The following GOLGA3 variants were observed in gnomAD, a reference collection of about 807,000 sequenced individuals.
GOLGA3 encodes golgin subfamily A member 3.
In GOLGA3, 75 loss-of-function variants were observed where a neutral mutation model predicts 169.4. The ratio of observed to expected loss-of-function variants is 0.44; its 90% CI spans 0.37 to 0.54. GOLGA3 has a LOEUF of 0.54. GOLGA3 is among the 20% of genes least tolerant of loss of function. The probability of loss-of-function intolerance (pLI) is 0.00; values close to 1 mark genes in which losing one functional copy is unlikely to be tolerated. For synonymous variants in GOLGA3, 824 were observed against 822.4 expected (o/e 1.00, Z -0.03); for missense variants, 1,899 against 1,930.0 (o/e 0.98, Z 0.30).
In GOLGA3 at chr12:132,808,124, G is replaced by A. The variant is rs761278075; in HGVS notation, c.945C>T (p.Ser315=). The part of the protein sequence containing the change: ...DSVSEVDGND[S]DSSSYSSAST... ...AGGCGCTGCTGTACGATGAGCTGTC[G>A]CTGTCATTTCCATCCACCTCAGACA... Residue 315 remains serine, a synonymous_variant, in exon 5 of 24, where the codon AGC becomes AGT. Coordinates refer to ENST00000450791, the MANE Select transcript of GOLGA3 (RefSeq NM_001389683.1). The A allele has an allele frequency of 1.2e-5, 19 of 1,606,784 alleles. No homozygotes were observed. Among genetic ancestry groups the A allele is most frequent in the Admixed American group, 3.4e-5 (2 of 59,490 alleles).
At chr12:132,794,960 G>A (rs2316849) in intron 11 of GOLGA3, among the ~76,000 whole-genome samples, 30,952 of 152,088 alleles carry the variant, frequency 0.2, 4,051 homozygotes, top group Non-Finnish European at 0.3. Flanking sequence ...AGGCCGAGGT[G>A]AGCAGATCAT....
chr12:132,801,736 A>G, intron 8 of GOLGA3, 31 bp downstream of exon 8: 1 of 1,584,910 alleles, frequency 6.3e-7, no homozygotes, highest in Non-Finnish European at 8.6e-7. Context: ...AAGAAGCGTG[A>G]CCTGCCCTGG....
chr12:132,773,254 C>A lies in GOLGA3; in HGVS notation c.4348G>T (p.Ala1450Ser). 1 of 1,499,430 alleles carries A rather than the reference C, an allele frequency of 6.7e-7. No homozygotes were observed. The highest frequency in any genetic ancestry group is 1.3e-5 in the South Asian group (1 of 79,148). 92.9% of individuals were successfully genotyped at this position (1,499,430 alleles called of 1,614,324 possible). A position where few individuals can be genotyped will look rare whatever the true frequency, so the allele number is the denominator to read the frequency against. ...GACAGAGACTCGTGCACCGTCAGGG[C>A]GTGCTCCTCCATCTGGCGCTGCAGG... ...DSLQRQMEEH[A>S]LTVHESLSSW... Residue 1450 changes from alanine to serine, a missense_variant, in exon 24 of 24, where the codon GCC becomes TCC. By Grantham distance (99) the Ala-to-Ser change is moderately conservative (BLOSUM62 1). Transcript: ENST00000450791.
chr12:132,784,423 C>A (rs933594867), intron 15 of GOLGA3, 116 bp from the exon 16 acceptor site: 2 of 838,712 alleles, frequency 2.4e-6, no homozygotes, highest in African/African-American at 1.7e-5. Context: ...CACCAGCTGT[C>A]TGACACAGTC....
chr12:132,782,234 A>C, intron 17 of GOLGA3, 62 bp downstream of exon 17: 1 of 1,352,396 alleles, frequency 7.4e-7, no homozygotes, highest in South Asian at 1.2e-5. Context: ...AGATTCTCGG[A>C]GTGCGCACAG....
chr12:132,788,763 A>C (rs2046059674), intron 13 of GOLGA3, among the ~76,000 whole-genome samples: 3 of 150,162 alleles, frequency 2.0e-5, no homozygotes, highest in African/African-American at 2.5e-5. Flanking sequence ...GGGCCTCCTC[A>C]CTCCCTCCCT....
At position 132,789,302 on chromosome 12, in the gene GOLGA3, A is replaced by T; in HGVS notation, c.2548-12T>A. 6.4e-7 allele frequency: 1 copy of T among 1,574,578 alleles called. No individual in the cohort carries two copies. The highest frequency in any genetic ancestry group is 8.6e-7 in the Non-Finnish European group (1 of 1,164,120). On this transcript the variant is annotated splice_polypyrimidine_tract_variant and intron_variant, in intron 12 of 23. Transcript: ENST00000450791. ...GCCTCCACCATCACCTGCCAAAGACAGAGGCTGTGAGCGGACGCTGGGCGG... is the reference window on the plus strand; with the variant it reads ...GCCTCCACCATCACCTGCCAAAGACTGAGGCTGTGAGCGGACGCTGGGCGG...
rs1382756783 is a variant in GOLGA3 at position 132,772,820 on chromosome 12, G to A, written c.*285C>T. The A allele has an allele frequency of 2.0e-5, 6 of 306,700 alleles. No individual in the cohort carries two copies. The highest frequency in any genetic ancestry group is 6.1e-5 in the East Asian group (1 of 16,382). The allele number at this position is 306,700 out of a possible 1,614,324, so 19.0% of individuals were successfully genotyped here. A position where few individuals can be genotyped will look rare whatever the true frequency, so the allele number is the denominator to read the frequency against. Reference sequence around the variant, plus strand: ...CCCGCAGAGAGCAGCATCGGTGGCCGCTCAGAAGCCACGACCTACAAGTAA... The same window carrying A: ...CCCGCAGAGAGCAGCATCGGTGGCCACTCAGAAGCCACGACCTACAAGTAA... On this transcript the variant is annotated 3_prime_UTR_variant, in exon 24 of 24. Transcript: ENST00000450791.
chr12:132,800,547 G>C (rs1041448358), intron 8 of GOLGA3, among the ~76,000 whole-genome samples: 12 of 152,096 alleles, frequency 7.9e-5, no homozygotes, highest in African/African-American at 2.7e-4. Context: ...GTGTATATTT[G>C]TAACTCTAGA....
At chr12:132,781,290 G>A (rs550249619) in intron 17 of GOLGA3, among the ~76,000 whole-genome samples, 50 of 152,218 alleles carry the variant, frequency 3.3e-4, no homozygotes, top group South Asian at 2.9e-3. Flanking sequence ...GGCCGGGCGC[G>A]GTGGCTCACA....
In GOLGA3 at chr12:132,808,388, C is replaced by A. The variant is rs749009154; in HGVS notation, c.681G>T (p.Gly227=). 2 of 1,614,048 alleles carry A rather than the reference C, an allele frequency of 1.2e-6. No homozygotes were observed. Among genetic ancestry groups the A allele is most frequent in the Non-Finnish European group, 1.7e-6 (2 of 1,180,008 alleles). The change falls in exon 5 of 24, where the codon GGG becomes GGT. Residue 227 remains glycine, a synonymous_variant. Transcript: ENST00000450791. ...TTTTCTCCCTAGGATGTGCCGGAAG[C>A]CCCAGGCTGCCCACCTTAGGCCCCC... is the stretch of plus-strand genomic sequence containing the variant. ...VPRGPKVGSL[G]LPAHPREKKT...
rs374790976 is a variant in GOLGA3 at position 132,821,734 on chromosome 12, A to G, written c.133+262T>C. ...CCGGGCGCGGTGGCGGGCGCCTGTA[A>G]TCCCAGCTACTCAGGAGGCTGGGGC... On this transcript the variant is annotated intron_variant, in intron 2 of 23. Coordinates refer to ENST00000450791, the MANE Select transcript of GOLGA3 (RefSeq NM_001389683.1). 6.8e-3 allele frequency among the ~76,000 whole-genome samples: 995 copies of G among 147,392 alleles called. 15 individuals carry two copies. Among genetic ancestry groups the G allele is most frequent in the Non-Finnish European group, 0.011 (700 of 65,132 alleles).
At chr12:132,822,719 A>C (rs7302260) in intron 1 of GOLGA3, among the ~76,000 whole-genome samples, 15 of 152,112 alleles carry the variant, frequency 9.9e-5, no homozygotes, top group Non-Finnish European at 1.8e-4. Flanking sequence ...TCAGGAGTTC[A>C]AGACCAGCCT....
At chr12:132,807,499 G>T (rs1160601514) in intron 5 of GOLGA3, among the ~76,000 whole-genome samples, 4 of 152,222 alleles carry the variant, frequency 2.6e-5, no homozygotes, top group Non-Finnish European at 4.4e-5. Flanking sequence ...AACTGTTACA[G>T]AAACATGAGA....
chr12:132,826,511 G>C (rs766462460), intron 1 of GOLGA3, among the ~76,000 whole-genome samples: 1 of 149,886 alleles, frequency 6.7e-6, no homozygotes, highest in South Asian at 2.1e-4. Context: ...ACAGCCAACC[G>C]CACCGAGCTG....
rs563579306 is a variant in GOLGA3 at position 132,785,381 on chromosome 12, C to T, written c.3123+958G>A. ...AGTGCAGCAGCAAAATCATGACTCA[C>T]TGCAGTTTCAGCCTCACCTCCCAGG... On this transcript the variant is annotated intron_variant, in intron 15 of 23. Transcript: ENST00000450791. Among the ~76,000 whole-genome samples, 5 of 152,320 alleles carry T rather than the reference C, an allele frequency of 3.3e-5. No homozygotes were observed. The South Asian group carries it at 8.3e-4, about 25-fold the overall frequency.
Position 132,808,549 on chromosome 12 carries a change from A to T in GOLGA3, c.520T>A (p.Ser174Thr). ...CTCGTTTTGGTTGCAGGTTGACTGG[A>T]CTGAGAAGAAAACAAAAGTACAAAA... is the stretch of plus-strand genomic sequence containing the variant. Reference protein sequence around the residue: ...QYRVKRQQERSSQPATKTRLF... With the variant: ...QYRVKRQQERTSQPATKTRLF... The change falls in exon 5 of 24, where the codon TCC (serine) becomes ACC (threonine). Residue 174 changes from serine (S) to threonine (T), a missense_variant and splice_region_variant. Ser to Thr is a moderately conservative substitution (Grantham distance 58). Coordinates refer to ENST00000450791, the MANE Select transcript of GOLGA3 (RefSeq NM_001389683.1). 1 of 1,568,982 alleles carries T rather than the reference A, an allele frequency of 6.4e-7. No individual in the cohort carries two copies. The highest frequency in any genetic ancestry group is 8.6e-7 in the Non-Finnish European group (1 of 1,160,094).
chr12:132,784,945 T>C (rs1369792871), intron 15 of GOLGA3, among the ~76,000 whole-genome samples: 1 of 152,200 alleles, frequency 6.6e-6, no homozygotes, highest in Admixed American at 6.5e-5. Context: ...ACAGGTGTGC[T>C]CTCACACCCC....
chr12:132,791,834 A>G lies in GOLGA3; in HGVS notation c.2470-541T>C, dbSNP rs142844731. Among the ~76,000 whole-genome samples, 778 of 127,744 alleles carry G rather than the reference A, an allele frequency of 6.1e-3. 56 individuals carry two copies. Among genetic ancestry groups the G allele is most frequent in the African/African-American group, 0.021 (721 of 34,874 alleles). 83.8% of individuals were successfully genotyped at this position (127,744 alleles called of 152,430 possible). On this transcript the variant is annotated intron_variant, in intron 11 of 23. Coordinates refer to ENST00000450791, the MANE Select transcript of GOLGA3 (RefSeq NM_001389683.1). ...GATGTTACACTGAGAGCTCCAGGAA[A>G]GGACACATCTGCAGAGTTGTTACAC...
Sources: allele counts gnomAD v4.1 joint callset (sites outside exome capture counted in the v4.1 genomes callset), GRCh38; gene constraint gnomAD v4.1.1; transcripts MANE v1.5; gene names NCBI Gene and HGNC (gene_info 2026-07-23, HGNC 2026-07-21).